The following CNGB3 variants were observed in gnomAD, a reference collection of about 807,000 sequenced individuals.
The protein encoded by CNGB3 is cyclic nucleotide-gated channel beta-3.
Under a neutral mutation model 92.8 loss-of-function variants are expected in CNGB3, and 86 were observed. That is an observed-to-expected ratio of 0.93 (90% CI 0.78 to 1.11). CNGB3 has a LOEUF of 1.11. CNGB3 is among the 50% of genes least tolerant of loss of function. The probability of loss-of-function intolerance (pLI) is 0.00; values close to 1 mark genes in which losing one functional copy is unlikely to be tolerated. For missense variants in CNGB3, 1,026 were observed against 956.8 expected (o/e 1.07, Z -0.95); for synonymous variants, 333 against 332.7 (o/e 1.00, Z -0.01).
chr8:86,668,254 C>A, intron 4 of CNGB3, 86 bp from the exon 5 acceptor site: 2 of 1,278,640 alleles, frequency 1.6e-6, no homozygotes, highest in Non-Finnish European at 1.1e-6. Flanking sequence ...CCAAACACCG[C>A]ATGTTCTCAC....
intron 3 of CNGB3, chr8:86,707,800 G>C (rs147116751): frequency 2.7e-4 from 41 of 152,372 alleles, no homozygotes; most frequent in African/African-American, 9.9e-4. Context: ...GATGAACTAG[G>C]AGAGTAGCAG....
intron 10 of CNGB3, 76 bp from the exon 11 acceptor site, chr8:86,632,969 A>C: frequency 1.5e-6 from 2 of 1,332,282 alleles, no homozygotes; most frequent in Non-Finnish European, 2.1e-6. Context: ...AGAATATAGT[A>C]CTATTAAATT....
chr8:86,715,980 A>T (rs1182275032), intron 3 of CNGB3, among the ~76,000 whole-genome samples: 2 of 152,020 alleles, frequency 1.3e-5, no homozygotes, highest in African/African-American at 4.8e-5. Context: ...TATAATAATA[A>T]TAAAAAAAAT....
At chr8:86,668,454 C>T (rs1360553516) in intron 4 of CNGB3, among the ~76,000 whole-genome samples, 1 of 152,034 alleles carries the variant, frequency 6.6e-6, no homozygotes, top group Non-Finnish European at 1.5e-5. Flanking sequence ...CCTGCATGTT[C>T]TGCACATGTA....
chr8:86,675,858 TTCAG>T (rs1271976280), intron 3 of CNGB3, among the ~76,000 whole-genome samples: 21 of 152,330 alleles, frequency 1.4e-4, no homozygotes, highest in African/African-American at 5.1e-4. Flanking sequence ...TTTCTTTAAA[TTCAG>T]TCAGAGGCAC....
chr8:86,715,998 CAA>C (rs1824847371), intron 3 of CNGB3, among the ~76,000 whole-genome samples: 1 of 151,774 alleles, frequency 6.6e-6, no homozygotes, highest in East Asian at 1.9e-4. Flanking sequence ...AATTAAAAAA[CAA>C]AAATATTCAG....
intron 4 of CNGB3, among the ~76,000 whole-genome samples, chr8:86,670,375 G>A (rs1300749128): frequency 6.6e-6 from 1 of 152,120 alleles, no homozygotes; most frequent in African/African-American, 2.4e-5. Context: ...GAGCCTGGAG[G>A]TCACCTGTAG....
At chr8:86,577,585 A>G (rs1014955458) in intron 17 of CNGB3, among the ~76,000 whole-genome samples, 4 of 152,280 alleles carry the variant, frequency 2.6e-5, no homozygotes, top group East Asian at 1.9e-4. Flanking sequence ...ATTTTTGTCA[A>G]TTGGTCAATG....
chr8:86,730,631 T>C (rs1284172760), intron 2 of CNGB3, among the ~76,000 whole-genome samples: 1 of 152,188 alleles, frequency 6.6e-6, no homozygotes, highest in Non-Finnish European at 1.5e-5. Context: ...AAATGAACAT[T>C]TGGAGTTAAG....
intron 9 of CNGB3, 72 bp from the exon 10 acceptor site, chr8:86,643,945 T>C (rs555972108): frequency 1.3e-6 from 2 of 1,543,318 alleles, no homozygotes; most frequent in East Asian, 2.3e-5. Context: ...ACATTTTCTT[T>C]TCCTTAAAGT....
intron 3 of CNGB3, among the ~76,000 whole-genome samples, chr8:86,709,746 C>T (rs1309326811): frequency 6.6e-6 from 1 of 151,824 alleles, no homozygotes; most frequent in Non-Finnish European, 1.5e-5. Flanking sequence ...GAAGAATGAT[C>T]AAGACATTTT....
intron 7 of CNGB3, among the ~76,000 whole-genome samples, chr8:86,648,512 G>A (rs1446382057): frequency 6.6e-6 from 1 of 151,114 alleles, no homozygotes; most frequent in Non-Finnish European, 1.5e-5. Flanking sequence ...AGAAGGTATT[G>A]AAAATATTAT....
intron 14 of CNGB3, among the ~76,000 whole-genome samples, chr8:86,606,242 C>T (rs1172666309): frequency 4.1e-5 from 6 of 147,282 alleles, no homozygotes; most frequent in African/African-American, 1.5e-4. Flanking sequence ...CCTCTGCTTC[C>T]TGGGTTCAAG....
At chr8:86,579,007 G>T in intron 16 of CNGB3, 99 bp downstream of exon 16, 1 of 1,560,062 alleles carries the variant, frequency 6.4e-7, no homozygotes, top group Non-Finnish European at 8.8e-7. Flanking sequence ...ATCTCACTGT[G>T]ATCAAGTTTA....
intron 11 of CNGB3, among the ~76,000 whole-genome samples, 181 bp from the exon 12 acceptor site, chr8:86,629,259 T>C (rs1386226145): frequency 6.6e-6 from 1 of 152,230 alleles, no homozygotes. Context: ...GGATTGATTT[T>C]AAACATACTG....
intron 7 of CNGB3, among the ~76,000 whole-genome samples, chr8:86,651,472 G>A (rs1009270093): frequency 6.6e-6 from 1 of 151,778 alleles, no homozygotes; most frequent in African/African-American, 2.4e-5. Flanking sequence ...TCACTGTAGA[G>A]GTATCGATCT....
Position 86,576,131 on chromosome 8 carries a change from C to T in CNGB3, c.2104-1G>A. Reference sequence around the variant, plus strand: ...CTCCTCCTTCAGAATTTTCTTTCTTCTGGAAGGAGCAATTACAAAGAACTG... The same window carrying T: ...CTCCTCCTTCAGAATTTTCTTTCTTTTGGAAGGAGCAATTACAAAGAACTG... On this transcript the variant is annotated splice_acceptor_variant, in intron 17 of 17. Coordinates refer to ENST00000320005, the MANE Select transcript of CNGB3 (RefSeq NM_019098.5). LOFTEE classifies it high-confidence loss of function. The T allele has an allele frequency of 6.2e-7, 1 of 1,600,578 alleles. No homozygotes were observed. The highest frequency in any genetic ancestry group is 8.5e-7 in the Non-Finnish European group (1 of 1,178,324).
intron 10 of CNGB3, 98 bp downstream of exon 10, chr8:86,643,653 T>G: frequency 7.3e-7 from 1 of 1,365,338 alleles, no homozygotes; most frequent in East Asian, 2.4e-5. Context: ...ATTGAATGGG[T>G]TATGACAGCT....
In CNGB3 at chr8:86,666,971, A is replaced by G. The variant is rs1189928623; in HGVS notation, c.806T>C (p.Leu269Pro). 1.9e-6 allele frequency: 3 copies of G among 1,613,460 alleles called. No homozygotes were observed. Among genetic ancestry groups the G allele is most frequent in the South Asian group, 2.2e-5 (2 of 91,040 alleles). ...AAACTGGAGTCTGGGCTGGATAAAT[A>G]GCATATCATAAAGGTAGATGATATC... ...ICDIIYLYDM[L>P]FIQPRLQFVR... Residue 269 changes from leucine to proline, a missense_variant, in exon 6 of 18, where the codon CTA becomes CCA. Physicochemically the swap from Leu to Pro is moderately conservative, Grantham distance 98. Coordinates refer to ENST00000320005, the MANE Select transcript of CNGB3 (RefSeq NM_019098.5).
Sources: allele counts gnomAD v4.1 joint callset (sites outside exome capture counted in the v4.1 genomes callset), GRCh38; gene constraint gnomAD v4.1.1; transcripts MANE v1.5; gene names NCBI Gene and HGNC (gene_info 2026-07-23, HGNC 2026-07-21).